Variants in TTLL4 observed in about 807,000 individuals in gnomAD.
The protein encoded by TTLL4 is tubulin monoglutamylase TTLL4.
In TTLL4, 85 loss-of-function variants were observed where a neutral mutation model predicts 122.7. The ratio of observed to expected loss-of-function variants is 0.69; its 90% CI spans 0.58 to 0.83. TTLL4 has a LOEUF of 0.83. TTLL4 is among the 40% of genes least tolerant of loss of function. TTLL4 has a pLI of 0.00. For synonymous variants in TTLL4, 553 were observed against 563.0 expected (o/e 0.98, Z 0.25); for missense variants, 1,363 against 1,488.6 (o/e 0.92, Z 1.39).
Position 218,750,012 on chromosome 2 carries a change from C to G in TTLL4, c.2739C>G (p.Leu913=). 6.2e-7 allele frequency: 1 copy of G among 1,613,836 alleles called. No homozygotes were observed. Among genetic ancestry groups the G allele is most frequent in the Non-Finnish European group, 8.5e-7 (1 of 1,179,918 alleles). The change falls in exon 15 of 20, where the codon CTC becomes CTG. Residue 913 remains leucine (L), a synonymous_variant. Coordinates refer to ENST00000392102, the MANE Select transcript of TTLL4 (RefSeq NM_014640.5). ...TCTTTTTATCCTTTTTCTGAAGCCT[C>G]CACTCCAGCTCTCCACTGGATATCA... is the stretch of plus-strand genomic sequence containing the variant. ...WVLEVNISPS[L]HSSSPLDISI... is the part of the protein sequence containing the mutation.
At chr2:218,735,690 T>G (rs1942498073) in intron 2 of TTLL4, among the ~76,000 whole-genome samples, 2 of 152,006 alleles carry the variant, frequency 1.3e-5, no homozygotes, top group African/African-American at 4.8e-5. Context: ...TTTTTTTTTT[T>G]GAGACAGAGT....
intron 8 of TTLL4, chr2:218,746,739 T>C (rs996623633): frequency 2.2e-5 from 11 of 503,962 alleles, no homozygotes; most frequent in Middle Eastern, 5.2e-4. Flanking sequence ...TAGGGTTTCA[T>C]GGATAAAGAT....
intron 2 of TTLL4, among the ~76,000 whole-genome samples, chr2:218,735,574 C>T (rs1489447805): frequency 6.6e-6 from 1 of 151,046 alleles, no homozygotes; most frequent in Non-Finnish European, 1.5e-5. Context: ...ACCCTCAAAA[C>T]AAAACAAAAC....
At chr2:218,720,669 G>C (rs1194500857) in intron 1 of TTLL4, among the ~76,000 whole-genome samples, 3 of 148,736 alleles carry the variant, frequency 2.0e-5, no homozygotes, top group African/African-American at 7.5e-5. Flanking sequence ...GTGAGACTCC[G>C]GTCTCAAAAA....
chr2:218,712,388 C>CTT (rs55690203), intron 1 of TTLL4, among the ~76,000 whole-genome samples: 11 of 141,694 alleles, frequency 7.8e-5, no homozygotes, highest in Middle Eastern at 3.7e-3. Flanking sequence ...TCCCAGTGAA[C>CTT]TTTTTTTTTT....
rs776613644 is a variant in TTLL4, at chr2:218,738,440, C to G, written c.764C>G (p.Ser255Ter). ...ATCCAGCCTGTCTCCTGGCATCATT[C>G]AGGGGGTACTGGAGACTGTGCACCG... ...PKIQPVSWHH[S>*]GGTGDCAPQP... Residue 255 changes from serine to a stop codon, truncating the protein, a stop_gained, in exon 3 of 20, where the codon TCA (serine) becomes TGA (stop). Coordinates refer to ENST00000392102, the MANE Select transcript of TTLL4 (RefSeq NM_014640.5). LOFTEE classifies it high-confidence loss of function. 6.2e-7 allele frequency: 1 copy of G among 1,614,212 alleles called. No homozygotes were observed. The highest frequency in any genetic ancestry group is 8.5e-7 in the Non-Finnish European group (1 of 1,180,038).
At position 218,754,317 on chromosome 2, in the gene TTLL4, G is replaced by A. The variant is rs1280761016; in HGVS notation, c.3528G>A (p.Gly1176=). ...TQTLPVIKCS[G]QTSRLSASST... The stretch of plus-strand genomic sequence containing the variant: ...CGTTACCTGTGATCAAGTGCTCTGG[G>A]CAGACTTCAAGACTTTCTGCTTCCT... The change falls in exon 20 of 20, where the codon GGG becomes GGA. Residue 1176 remains glycine (G), a synonymous_variant. Coordinates refer to ENST00000392102, the MANE Select transcript of TTLL4 (RefSeq NM_014640.5). The A allele has an allele frequency of 6.2e-7, 1 of 1,614,160 alleles. No individual in the cohort carries two copies. Among genetic ancestry groups the A allele is most frequent in the South Asian group, 1.1e-5 (1 of 91,088 alleles).
chr2:218,731,454 G>A (rs1030594660), intron 2 of TTLL4, among the ~76,000 whole-genome samples: 2 of 151,746 alleles, frequency 1.3e-5, no homozygotes, highest in African/African-American at 4.8e-5. Flanking sequence ...ATAACAAGAC[G>A]GTTCTGTTTT....
Position 218,754,464 on chromosome 2 carries a change from A to T in TTLL4, c.*75A>T. The T allele has an allele frequency of 6.3e-7, 1 of 1,576,002 alleles. No homozygotes were observed. Among genetic ancestry groups the T allele is most frequent in the Non-Finnish European group, 8.6e-7 (1 of 1,158,156 alleles). On this transcript the variant is annotated 3_prime_UTR_variant, in exon 20 of 20. Transcript: ENST00000392102. ...TCACGGGAACCAGCCTGCTGTTCAG[A>T]CCAGTCTGACCCCCTACCCCTTTCA...
rs779168366 is a variant in TTLL4 at position 218,738,487 on chromosome 2, C to T, written c.811C>T (p.Pro271Ser). 4 of 1,614,194 alleles carry T rather than the reference C, an allele frequency of 2.5e-6. No homozygotes were observed. The highest frequency in any genetic ancestry group is 3.4e-6 in the Non-Finnish European group (4 of 1,180,036). The part of the protein sequence containing the change: ...CAPQPVDHKV[P>S]KSIGTVPADA... ...ACCGCAGCCTGTTGACCATAAGGTG[C>T]CCAAAAGCATTGGCACTGTCCCAGC... The change falls in exon 3 of 20, where the codon CCC (proline) becomes TCC (serine). Residue 271 changes from proline (P) to serine (S), a missense_variant. Transcript: ENST00000392102.
At position 218,747,321 on chromosome 2, in the gene TTLL4, T is replaced by A; in HGVS notation, c.2198T>A (p.Val733Asp). 4 of 1,614,182 alleles carry A rather than the reference T, an allele frequency of 2.5e-6. No individual in the cohort carries two copies. Among genetic ancestry groups the A allele is most frequent in the Non-Finnish European group, 2.5e-6 (3 of 1,180,028 alleles). Residue 733 changes from valine (V) to aspartate (D), a missense_variant, in exon 10 of 20, where the codon GTT (valine) becomes GAT (aspartate). Val to Asp is a radical substitution (Grantham distance 152). Transcript: ENST00000392102. This position sits in a 1 kb window ranked among gnomAD's most constrained non-coding sequence, Gnocchi z 4.7. ...PASARGIGIQ[V>D]IHKWSQLPKR... Reference sequence around the variant, plus strand: ...TCAGCTCGAGGCATTGGCATCCAGGTTATTCACAAGTGGAGTCAGCTCCCC... The same window carrying A: ...TCAGCTCGAGGCATTGGCATCCAGGATATTCACAAGTGGAGTCAGCTCCCC...
chr2:218,714,833 TC>T (rs1356754826), intron 1 of TTLL4, among the ~76,000 whole-genome samples: 2 of 152,036 alleles, frequency 1.3e-5, no homozygotes, highest in Non-Finnish European at 2.9e-5. Flanking sequence ...GGTCTCGAAC[TC>T]CTGGACTCAA....
chr2:218,752,215 G>C (rs939138189), intron 16 of TTLL4, among the ~76,000 whole-genome samples: 1 of 152,186 alleles, frequency 6.6e-6, no homozygotes, highest in East Asian at 1.9e-4. Flanking sequence ...GCTGCAACCA[G>C]CTTTTCTTAA....
chr2:218,721,645 G>A (rs1388579784), intron 1 of TTLL4, among the ~76,000 whole-genome samples: 1 of 152,040 alleles, frequency 6.6e-6, no homozygotes, highest in Non-Finnish European at 1.5e-5. Flanking sequence ...AGTGAAAAAA[G>A]TTTTTTCCCC....
rs956255772 is a variant in TTLL4 at position 218,738,125 on chromosome 2, A to T, written c.449A>T (p.Gln150Leu). The T allele has an allele frequency of 6.2e-7, 1 of 1,613,986 alleles. No individual in the cohort carries two copies. The highest frequency in any genetic ancestry group is 1.7e-5 in the Admixed American group (1 of 59,994). ...GAAAAAAGCCCTTTTTCTCTCCCTCAAAAGAGCCTCCCTGTCAGTCTCACT... is the reference window on the plus strand; with the variant it reads ...GAAAAAAGCCCTTTTTCTCTCCCTCTAAAGAGCCTCCCTGTCAGTCTCACT... Reference protein sequence around the residue: ...PSEKSPFSLPQKSLPVSLTAN... With the variant: ...PSEKSPFSLPLKSLPVSLTAN... Residue 150 changes from glutamine (Q) to leucine (L), a missense_variant, in exon 3 of 20, where the codon CAA (glutamine) becomes CTA (leucine). Physicochemically the swap from Gln to Leu is moderately radical, Grantham distance 113. Transcript: ENST00000392102.
At chr2:218,713,298 G>A (rs1385029136) in intron 1 of TTLL4, among the ~76,000 whole-genome samples, 2 of 152,182 alleles carry the variant, frequency 1.3e-5, no homozygotes, top group Non-Finnish European at 2.9e-5. Context: ...GTGGGAGGAT[G>A]TATTGAGCCC....
At chr2:218,758,011 C>T (rs1045570330), downstream of TTLL4, among the ~76,000 whole-genome samples, 4 of 152,178 alleles carry the variant, frequency 2.6e-5, no homozygotes, top group African/African-American at 9.7e-5. Flanking sequence ...CCTTTCACAA[C>T]CCTTCTTGGC....
At chr2:218,750,860 T>C (rs1942996925) in intron 15 of TTLL4, among the ~76,000 whole-genome samples, 1 of 151,376 alleles carries the variant, frequency 6.6e-6, no homozygotes, top group Non-Finnish European at 1.5e-5. Flanking sequence ...GCCAACTCAG[T>C]ATGGCCATTT....
Position 218,739,046 on chromosome 2 carries a change from C to T in TTLL4, c.1370C>T (p.Pro457Leu). The T allele has an allele frequency of 1.2e-6, 2 of 1,614,200 alleles. No homozygotes were observed. The highest frequency in any genetic ancestry group is 1.7e-6 in the Non-Finnish European group (2 of 1,180,028). The change falls in exon 3 of 20, where the codon CCT (proline) becomes CTT (leucine). Residue 457 changes from proline to leucine, a missense_variant. Physicochemically the swap from Pro to Leu is moderately conservative, Grantham distance 98. Around this residue, in one of 3 missense-constraint regions of TTLL4, gnomAD observed 760 missense variants for 808.4 expected, o/e 0.94. Transcript: ENST00000392102. Reference sequence around the variant, plus strand: ...GGCAAAGCTCCAGGTCCCCCTTTTCCTCAAACTCTTGGCATAGCCAACGTG... The same window carrying T: ...GGCAAAGCTCCAGGTCCCCCTTTTCTTCAAACTCTTGGCATAGCCAACGTG... Reference protein sequence around the residue: ...GEGKAPGPPFPQTLGIANVAT... With the variant: ...GEGKAPGPPFLQTLGIANVAT...
Sources: allele counts gnomAD v4.1 joint callset (sites outside exome capture counted in the v4.1 genomes callset), GRCh38; gene constraint gnomAD v4.1.1; regional missense constraint gnomAD v4.1.1; non-coding constraint Gnocchi (gnomAD v3.1); transcripts MANE v1.5; gene names NCBI Gene and HGNC (gene_info 2026-07-23, HGNC 2026-07-21).